Variants in COL11A1 observed in about 807,000 individuals in gnomAD.
COL11A1 encodes collagen alpha-1(XI) chain.
COL11A1 carries 74 observed loss-of-function variants against 265.2 expected under a neutral mutation model. That is an observed-to-expected ratio of 0.28 (90% CI 0.23 to 0.34). The LOEUF (loss-of-function observed/expected upper bound fraction) is 0.34. Ranked by LOEUF, COL11A1 falls within the 10% of genes least tolerant of loss-of-function variation. The probability of loss-of-function intolerance (pLI) is 1.00; values close to 1 mark genes in which losing one functional copy is unlikely to be tolerated. For synonymous variants in COL11A1, 816 were observed against 727.6 expected (o/e 1.12, Z -1.96); for missense variants, 2,165 against 2,263.6 (o/e 0.96, Z 0.88).
At chr1:103,063,753 T>A (rs34965749) in intron 4 of COL11A1, among the ~76,000 whole-genome samples, 5,742 of 152,144 alleles carry the variant, frequency 0.038, 125 homozygotes, top group Middle Eastern at 0.092. Context: ...AAAGACAATA[T>A]CAAGAGAATC....
intron 54 of COL11A1, among the ~76,000 whole-genome samples, chr1:102,909,656 C>A (rs1267594954): frequency 6.6e-6 from 1 of 151,918 alleles, no homozygotes; most frequent in Non-Finnish European, 1.5e-5. Flanking sequence ...CTAGAAATTG[C>A]AGAGGTCCAA....
intron 29 of COL11A1, among the ~76,000 whole-genome samples, chr1:102,988,245 G>A (rs991895779): frequency 6.6e-6 from 1 of 152,060 alleles, no homozygotes; most frequent in African/African-American, 2.4e-5. Flanking sequence ...AGCTGAATCA[G>A]CACACAAGGA....
chr1:102,892,448 C>G (rs368786545), intron 57 of COL11A1, among the ~76,000 whole-genome samples: 1 of 152,032 alleles, frequency 6.6e-6, no homozygotes, highest in East Asian at 1.9e-4. Context: ...GTATGATGTA[C>G]TAGGAAAAGT....
intron 1 of COL11A1, among the ~76,000 whole-genome samples, chr1:103,091,695 T>G (rs1286782000): frequency 1.3e-5 from 2 of 152,088 alleles, no homozygotes; most frequent in Non-Finnish European, 1.5e-5. Flanking sequence ...CTCTGTTTAC[T>G]TAATATATTT....
rs568033101 is a variant in COL11A1 at position 103,092,139 on chromosome 1, C to T, written c.107-9167G>A. Among the ~76,000 whole-genome samples the T allele has an allele frequency of 1.4e-4, 22 of 152,096 alleles. No homozygotes were observed. The South Asian group carries it at 4.6e-3, about 31-fold the overall frequency. On this transcript the variant is annotated intron_variant, in intron 1 of 66. Coordinates refer to ENST00000370096, the MANE Select transcript of COL11A1 (RefSeq NM_001854.4). Reference sequence around the variant, plus strand: ...AGCAAAATCAATTGTATCAGCATCCCATTGTTGCCTATTTATAATTCTAAC... The same window carrying T: ...AGCAAAATCAATTGTATCAGCATCCTATTGTTGCCTATTTATAATTCTAAC...
At chr1:103,068,389 A>G (rs896341472) in intron 4 of COL11A1, among the ~76,000 whole-genome samples, 5 of 151,682 alleles carry the variant, frequency 3.3e-5, no homozygotes, top group African/African-American at 1.2e-4. Flanking sequence ...GTTTTATAAA[A>G]TTTAGTACAT....
At chr1:103,097,103 A>T (rs930066111) in intron 1 of COL11A1, among the ~76,000 whole-genome samples, 1 of 152,006 alleles carries the variant, frequency 6.6e-6, no homozygotes, top group African/African-American at 2.4e-5. Context: ...ACTGACTGTC[A>T]GAGGATCCAA....
At chr1:102,981,323 G>A (rs1435464181) in intron 31 of COL11A1, among the ~76,000 whole-genome samples, 1 of 151,878 alleles carries the variant, frequency 6.6e-6, no homozygotes, top group Non-Finnish European at 1.5e-5. Flanking sequence ...GCTACGTCTA[G>A]CACAGTATTA....
intron 4 of COL11A1, among the ~76,000 whole-genome samples, chr1:103,048,390 TAG>T (rs898569777): frequency 6.6e-6 from 1 of 152,194 alleles, no homozygotes; most frequent in Non-Finnish European, 1.5e-5. Flanking sequence ...TTTATTTGCA[TAG>T]AGGTGTTTAT....
intron 57 of COL11A1, among the ~76,000 whole-genome samples, chr1:102,897,442 A>ATG (rs67892116): frequency 6.6e-6 from 1 of 150,900 alleles, no homozygotes; most frequent in Admixed American, 6.6e-5. Context: ...TAAGAAAAAA[A>ATG]AATATATATA....
At chr1:103,017,463 GATTT>G (rs1303214759) in intron 11 of COL11A1, among the ~76,000 whole-genome samples, 1 of 152,060 alleles carries the variant, frequency 6.6e-6, no homozygotes, top group Non-Finnish European at 1.5e-5. Flanking sequence ...GTAGAATTTA[GATTT>G]ATTAACTTAT....
intron 56 of COL11A1, among the ~76,000 whole-genome samples, chr1:102,898,406 A>G (rs1302798054): frequency 1.3e-5 from 2 of 151,830 alleles, no homozygotes; most frequent in Non-Finnish European, 2.9e-5. Context: ...GTTATATATA[A>G]ACATTTCACA....
Position 103,082,877 on chromosome 1 carries a change from T to C in COL11A1, c.202A>G (p.Lys68Glu). 1 of 1,613,768 alleles carries C rather than the reference T, an allele frequency of 6.2e-7. No homozygotes were observed. Among genetic ancestry groups the C allele is most frequent in the Non-Finnish European group, 8.5e-7 (1 of 1,179,744 alleles). The change falls in exon 2 of 67, where the codon AAA becomes GAA. Residue 68 changes from lysine to glutamate, a missense_variant. Coordinates refer to ENST00000370096, the MANE Select transcript of COL11A1 (RefSeq NM_001854.4). The part of the protein sequence containing the change: ...TGFCTNRKNS[K>E]GSDTAYRVSK... ...ACTCTGTAAGCAGTATCTGAGCCTT[T>C]AGAATTCTTTCTGTTTGTGCAAAAT...
intron 15 of COL11A1, among the ~76,000 whole-genome samples, chr1:103,006,703 A>T (rs1329986681): frequency 1.3e-5 from 2 of 151,588 alleles, no homozygotes; most frequent in African/African-American, 4.8e-5. Flanking sequence ...ATGCCCGGCT[A>T]ATTTTTTGTA....
chr1:103,077,216 T>A (rs1478097821), intron 3 of COL11A1, among the ~76,000 whole-genome samples: 2 of 152,074 alleles, frequency 1.3e-5, no homozygotes, highest in Admixed American at 1.3e-4. Flanking sequence ...ACATTCTCCA[T>A]TTTTTTATTT....
At chr1:102,906,115 A>G (rs1483997337) in intron 54 of COL11A1, among the ~76,000 whole-genome samples, 2 of 152,150 alleles carry the variant, frequency 1.3e-5, no homozygotes, top group African/African-American at 4.8e-5. Flanking sequence ...TGAGATTCTG[A>G]TAGATTCAGG....
chr1:102,888,536 T>G (rs775358668), intron 62 of COL11A1, 41 bp downstream of exon 62: 1 of 1,579,212 alleles, frequency 6.3e-7, no homozygotes, highest in Non-Finnish European at 8.7e-7. Flanking sequence ...AGCTTCCAGA[T>G]GCAAACTGTC....
chr1:103,082,373 A>T (rs1267087462), intron 2 of COL11A1, among the ~76,000 whole-genome samples: 1 of 152,086 alleles, frequency 6.6e-6, no homozygotes, highest in Non-Finnish European at 1.5e-5. Context: ...GTATGTTTAC[A>T]TTCAAATGCC....
At chr1:103,088,609 T>C (rs1194946554) in intron 1 of COL11A1, among the ~76,000 whole-genome samples, 1 of 152,246 alleles carries the variant, frequency 6.6e-6, no homozygotes. Flanking sequence ...ATTTATATAT[T>C]GTCCATAGCT....
Sources: gnomAD v4.1 joint callset for allele counts (sites outside exome capture counted in the v4.1 genomes callset) on GRCh38, gnomAD v4.1.1 for gene constraint, MANE v1.5 for transcripts, NCBI Gene and HGNC (gene_info 2026-07-23, HGNC 2026-07-21) for gene names.